Variants in TASP1 observed in about 807,000 individuals in gnomAD.
TASP1 encodes the protein taspase 1.
A neutral mutation model predicts 56.6 loss-of-function variants in TASP1; 16 were observed. The observed-to-expected ratio is 0.28, with a 90% CI of 0.19 to 0.43. The LOEUF (loss-of-function observed/expected upper bound fraction) is 0.43. Among genes scored for constraint, TASP1 ranks in the 20% least tolerant of loss-of-function variants. TASP1 has a pLI of 1.00. For missense variants in TASP1, 393 were observed against 511.6 expected (o/e 0.77, Z 2.24); for synonymous variants, 179 against 184.2 (o/e 0.97, Z 0.23).
the TASP1 span, among the ~76,000 whole-genome samples, chr20:13,240,545 A>G: frequency 6.6e-6 from 1 of 152,208 alleles, no homozygotes; most frequent in African/African-American, 2.4e-5. Flanking sequence ...AACAGTGTGT[A>G]AGGAAGAAAG....
At chr20:13,365,668 AAG>A in the TASP1 span, among the ~76,000 whole-genome samples, 6 of 152,194 alleles carry the variant, frequency 3.9e-5, no homozygotes, top group Non-Finnish European at 8.8e-5. Context: ...GCTGACAAAA[AAG>A]AGAGGGGAGA....
chr20:13,334,636 C>T, the TASP1 span, among the ~76,000 whole-genome samples: 5 of 152,164 alleles, frequency 3.3e-5, no homozygotes, highest in Non-Finnish European at 7.4e-5. Flanking sequence ...CTGAAATTTA[C>T]TATTTTTCTA....
chr20:13,124,653 C>T, the TASP1 span, among the ~76,000 whole-genome samples: 1 of 152,102 alleles, frequency 6.6e-6, no homozygotes, highest in African/African-American at 2.4e-5. Flanking sequence ...CCTCATGGAC[C>T]AGGCAGAGTC....
chr20:13,523,021 G>A (rs2044825631), intron 10 of TASP1, among the ~76,000 whole-genome samples: 1 of 152,144 alleles, frequency 6.6e-6, no homozygotes, highest in African/African-American at 2.4e-5. Context: ...AGAGGTAATT[G>A]TTAATCTTGA....
At chr20:13,634,325 G>A (rs996649251) in intron 1 of TASP1, among the ~76,000 whole-genome samples, 1 of 152,192 alleles carries the variant, frequency 6.6e-6, no homozygotes, top group Non-Finnish European at 1.5e-5. Flanking sequence ...TCCAGAATAA[G>A]CAAATCTAAA....
chr20:13,159,214 G>A, the TASP1 span, among the ~76,000 whole-genome samples: 81 of 152,318 alleles, frequency 5.3e-4, no homozygotes, highest in African/African-American at 1.9e-3. Context: ...AGCTTATGAA[G>A]GTTTTACTCT....
intron 11 of TASP1, among the ~76,000 whole-genome samples, chr20:13,460,899 A>C (rs1305309733): frequency 6.6e-6 from 1 of 152,116 alleles, no homozygotes; most frequent in Non-Finnish European, 1.5e-5. Flanking sequence ...GTCAGCACCC[A>C]AGCCAGAATG....
chr20:13,114,685 A>G, the TASP1 span, among the ~76,000 whole-genome samples: 5 of 152,212 alleles, frequency 3.3e-5, no homozygotes, highest in African/African-American at 1.2e-4. Context: ...AAAGAATAAG[A>G]AAACATTTGT....
At chr20:13,457,451 G>A (rs2043886291) in intron 11 of TASP1, among the ~76,000 whole-genome samples, 1 of 151,950 alleles carries the variant, frequency 6.6e-6, no homozygotes, top group South Asian at 2.1e-4. Flanking sequence ...TAGAATTTTT[G>A]TAAGAAAGAA....
At chr20:13,520,388 G>C (rs897503090) in intron 10 of TASP1, among the ~76,000 whole-genome samples, 5 of 152,172 alleles carry the variant, frequency 3.3e-5, no homozygotes, top group African/African-American at 1.2e-4. Flanking sequence ...TAAGACTACA[G>C]TAACCAAAAC....
the TASP1 span, among the ~76,000 whole-genome samples, chr20:13,333,958 A>G: frequency 6.6e-6 from 1 of 152,224 alleles, no homozygotes; most frequent in Non-Finnish European, 1.5e-5. Flanking sequence ...TGGCAATGCT[A>G]TTCAGTGTTT....
intron 8 of TASP1, among the ~76,000 whole-genome samples, chr20:13,535,002 T>A (rs1422841821): frequency 6.6e-6 from 1 of 152,130 alleles, no homozygotes; most frequent in African/African-American, 2.4e-5. Context: ...GTCATGGTGG[T>A]GTTCTTATGC....
intron 11 of TASP1, among the ~76,000 whole-genome samples, chr20:13,458,126 C>T (rs995724856): frequency 2.6e-5 from 4 of 151,994 alleles, no homozygotes; most frequent in African/African-American, 9.7e-5. Context: ...TACACAAAAC[C>T]TCAATCTAGT....
intron 4 of TASP1, among the ~76,000 whole-genome samples, chr20:13,594,276 CAG>C (rs1398427093): frequency 2.0e-5 from 3 of 152,164 alleles, no homozygotes; most frequent in Non-Finnish European, 4.4e-5. Context: ...GAGGAGAAAC[CAG>C]AGCAGAAAAA....
chr20:13,168,850 C>T, the TASP1 span: 1 of 152,052 alleles, frequency 6.6e-6, no homozygotes, highest in Non-Finnish European at 1.5e-5. Context: ...CCCTACTCAG[C>T]TGCATAATGT....
chr20:13,104,798 A>T, the TASP1 span, among the ~76,000 whole-genome samples: 2,057 of 152,248 alleles, frequency 0.014, 40 homozygotes, highest in African/African-American at 0.047. Flanking sequence ...CTTTTATTTT[A>T]ATTTCCGTAT....
At chr20:13,441,786 T>C (rs892658818) in intron 11 of TASP1, among the ~76,000 whole-genome samples, 4 of 152,158 alleles carry the variant, frequency 2.6e-5, no homozygotes, top group Admixed American at 6.5e-5. Context: ...CTTGTGACAG[T>C]GGAGGCTGTC....
At chr20:13,422,396 G>C (rs1277279106) in intron 12 of TASP1, among the ~76,000 whole-genome samples, 1 of 151,966 alleles carries the variant, frequency 6.6e-6, no homozygotes, top group African/African-American at 2.4e-5. Flanking sequence ...ATCATTTCAT[G>C]AATCTACTAA....
At chr20:13,628,452 G>A (rs1041310670) in intron 2 of TASP1, among the ~76,000 whole-genome samples, 1 of 152,166 alleles carries the variant, frequency 6.6e-6, no homozygotes, top group African/African-American at 2.4e-5. Flanking sequence ...CTTTTAACTG[G>A]ATTATTTCTG....
Sources: allele counts gnomAD v4.1 joint callset (sites outside exome capture counted in the v4.1 genomes callset), GRCh38; gene constraint gnomAD v4.1.1; transcripts MANE v1.5; gene names NCBI Gene and HGNC (gene_info 2026-07-23, HGNC 2026-07-21).